PCED1A: variants seen among roughly 807,000 people sequenced by gnomAD.
PCED1A encodes the protein PC-esterase domain-containing protein 1A.
PCED1A carries 20 observed loss-of-function variants against 41.9 expected under a neutral mutation model. The ratio of observed to expected loss-of-function variants is 0.48; its 90% confidence interval spans 0.34 to 0.69. PCED1A has a LOEUF of 0.69. Among genes scored for constraint, PCED1A ranks in the 30% least tolerant of loss-of-function variants. The probability of loss-of-function intolerance (pLI) is 0.01; values close to 1 mark genes in which losing one functional copy is unlikely to be tolerated. For synonymous variants in PCED1A, 236 were observed against 241.3 expected (o/e 0.98, Z 0.20); for missense variants, 498 against 602.1 (o/e 0.83, Z 1.81).
chr20:2,839,940 G>A lies in PCED1A; in HGVS notation c.-21-7C>T. On this transcript the variant is annotated splice_polypyrimidine_tract_variant and splice_region_variant and intron_variant, in intron 1 of 7. Coordinates refer to ENST00000360652, the MANE Select transcript of PCED1A (RefSeq NM_022760.6). ...CGCCACCAGCAACGACAGGCTGCAG[G>A]GAGAGGCCACTAAGCAGCGCGATGG... The A allele has an allele frequency of 3.7e-6, 6 of 1,605,358 alleles. No homozygotes were observed. The highest frequency in any genetic ancestry group is 5.1e-6 in the Non-Finnish European group (6 of 1,177,466).
Position 2,839,017 on chromosome 20 carries a change from C to T in PCED1A, c.270G>A (p.Gly90=). ...AGGQLGELHN[G]TQYREVRQFC... ...ACTGGCGGACCTCACGATACTGTGT[C>T]CCGTTGTGCAGCTCGCCCAGCTGGC... is the stretch of plus-strand genomic sequence containing the variant. Residue 90 remains glycine, a synonymous_variant, in exon 4 of 8, where the codon GGG becomes GGA. Transcript: ENST00000360652. 4.3e-6 allele frequency: 7 copies of T among 1,613,896 alleles called. No individual in the cohort carries two copies. In the South Asian group the frequency reaches 5.5e-5, roughly 13 times the overall value.
Position 2,836,183 on chromosome 20 carries a change from G to A in PCED1A, c.973C>T (p.Pro325Ser). 1 of 1,581,722 alleles carries A rather than the reference G, an allele frequency of 6.3e-7. No homozygotes were observed. The change falls in exon 7 of 8, where the codon CCC becomes TCC. Residue 325 changes from proline to serine, a missense_variant. By Grantham distance (74) the Pro-to-Ser change is moderately conservative. Coordinates refer to ENST00000360652, the MANE Select transcript of PCED1A (RefSeq NM_022760.6). ...GGCGAGGGCTGAGGAAGCGGGTAGGGAAAAGGCATGGGAGGAGGCAAAGAA... is the reference window on the plus strand; with the variant it reads ...GGCGAGGGCTGAGGAAGCGGGTAGGAAAAAGGCATGGGAGGAGGCAAAGAA... ...PSSLPPPMPFPYPLPQPSPPP... is the reference protein window; with the variant it reads ...PSSLPPPMPFSYPLPQPSPPP...
In PCED1A at chr20:2,838,434, C is replaced by A; in HGVS notation, c.639G>T (p.Gly213=). The change falls in exon 6 of 8, where the codon GGG becomes GGT. Residue 213 remains glycine (G), a synonymous_variant. Coordinates refer to ENST00000360652, the MANE Select transcript of PCED1A (RefSeq NM_022760.6). This position sits in a 1 kb window ranked among gnomAD's most constrained non-coding sequence, Gnocchi z 5.8. ...CGGCCAGCGTAGCACTGTAGAAGTT[C>A]CCTTCAACCACATCCCGCCGCAGGG... The part of the protein sequence containing the change: ...AGSLRRDVVE[G]NFYSATLAGD... 1 of 1,614,220 alleles carries A rather than the reference C, an allele frequency of 6.2e-7. No homozygotes were observed. Among genetic ancestry groups the A allele is most frequent in the Non-Finnish European group, 8.5e-7 (1 of 1,180,042 alleles).
intron 6 of PCED1A, among the ~76,000 whole-genome samples, chr20:2,836,901 T>C (rs1427073630): frequency 6.6e-6 from 1 of 152,182 alleles, no homozygotes; most frequent in African/African-American, 2.4e-5. Flanking sequence ...AGCCCCTCTT[T>C]CCTGCCAATC....
intron 1 of PCED1A, 130 bp downstream of exon 1, chr20:2,840,081 C>T (rs2088928550): frequency 6.2e-6 from 5 of 804,322 alleles, no homozygotes; most frequent in Non-Finnish European, 9.1e-6. Context: ...ACACTTGGTA[C>T]CAGAGGCAGG....
In PCED1A at chr20:2,836,071, G is replaced by T; in HGVS notation, c.1085C>A (p.Pro362Gln). 1 of 1,512,832 alleles carries T rather than the reference G, an allele frequency of 6.6e-7. No homozygotes were observed. The highest frequency in any genetic ancestry group is 2.4e-5 in the East Asian group (1 of 41,392). 93.7% of individuals were successfully genotyped at this position (1,512,832 alleles called of 1,614,324 possible). Residue 362 changes from proline (P) to glutamine (Q), a missense_variant, in exon 7 of 8, where the codon CCA (proline) becomes CAA (glutamine). Pro to Gln is a moderately conservative substitution (Grantham distance 76). Transcript: ENST00000360652. ...FPPHEFFNYN[P>Q]VEDFSMPPHL... is the part of the protein sequence containing the mutation. ...GGGTGGCATCGAGAAGTCCTCCACTGGATTATAGTTGAAGAATTCATGGGG... is the reference window on the plus strand; with the variant it reads ...GGGTGGCATCGAGAAGTCCTCCACTTGATTATAGTTGAAGAATTCATGGGG...
chr20:2,837,907 C>T (rs770132854), intron 6 of PCED1A, among the ~76,000 whole-genome samples: 1 of 152,198 alleles, frequency 6.6e-6, no homozygotes, highest in Admixed American at 6.5e-5. Context: ...TTCCACTCCT[C>T]ACACCCATGC....
chr20:2,841,088 C>T, upstream of PCED1A: 1 of 533,854 alleles, frequency 1.9e-6, no homozygotes, highest in Non-Finnish European at 3.3e-6. Context: ...ATGCTCAGAT[C>T]TCGCTGAGGG....
Position 2,838,592 on chromosome 20 carries a change from T to C in PCED1A, c.594+4A>G. 3.7e-6 allele frequency: 6 copies of C among 1,614,190 alleles called. No individual in the cohort carries two copies. Among genetic ancestry groups the C allele is most frequent in the Non-Finnish European group, 2.5e-6 (3 of 1,180,022 alleles). On this transcript the variant is annotated splice_donor_region_variant and intron_variant, in intron 5 of 7. Coordinates refer to ENST00000360652, the MANE Select transcript of PCED1A (RefSeq NM_022760.6). This position sits in a 1 kb window ranked among gnomAD's most constrained non-coding sequence, Gnocchi z 5.8. ...TCTTGTCCTGATGGGCCTCAGTCAC[T>C]TGCCTCTGGCAGGAGGAAACCCCCA...
At chr20:2,841,107 C>CGCGGGTGACA, upstream of PCED1A, 1 of 501,358 alleles carries the variant, frequency 2.0e-6, no homozygotes, top group South Asian at 2.4e-5. Flanking sequence ...GGAGGCAGCT[C>CGCGGGTGACA]GCGGGTGACA....
rs375558975 is a variant in PCED1A, at chr20:2,839,140, G to C, written c.204+52C>G. On this transcript the variant is annotated intron_variant, in intron 3 of 7. Coordinates refer to ENST00000360652, the MANE Select transcript of PCED1A (RefSeq NM_022760.6). Reference sequence around the variant, plus strand: ...CATGCCAGGGAGGAGAACCCTGCCAGGCCAGGGTCTGTGCCCACCCACCAC... The same window carrying C: ...CATGCCAGGGAGGAGAACCCTGCCACGCCAGGGTCTGTGCCCACCCACCAC... 5.3e-6 allele frequency: 8 copies of C among 1,509,626 alleles called. No homozygotes were observed. In the African/African-American group the frequency reaches 1.3e-4, roughly 25 times the overall value. 93.5% of individuals were successfully genotyped at this position (1,509,626 alleles called of 1,614,324 possible). A position where few individuals can be genotyped will look rare whatever the true frequency, so the allele number is the denominator to read the frequency against.
chr20:2,840,733 G>GGTCTA (rs1304363982), upstream of PCED1A: 2 of 1,545,642 alleles, frequency 1.3e-6, no homozygotes. Flanking sequence ...CGCTCTAGGT[G>GGTCTA]GGTGTCCCCT....
rs748216401 is a variant in PCED1A, at chr20:2,835,588, G to T, written c.1239C>A (p.Asn413Lys). The stretch of plus-strand genomic sequence containing the variant: ...CCATTCTCCGCACATGGTAGGGGCT[G>T]TTAGGAACATAGCGTGGCATCCCCC... ...VHRGMPRYVP[N>K]SPYHVRRMGG... Residue 413 changes from asparagine to lysine, a missense_variant, in exon 8 of 8, where the codon AAC (asparagine) becomes AAA (lysine). Asn to Lys is a moderately conservative substitution (Grantham distance 94, BLOSUM62 0). This residue lies in a region of PCED1A where 245 missense variants were observed against 232.4 expected (regional missense o/e 1.05). Transcript: ENST00000360652. 2.5e-6 allele frequency: 4 copies of T among 1,614,052 alleles called. No homozygotes were observed. Among genetic ancestry groups the T allele is most frequent in the African/African-American group, 1.3e-5 (1 of 74,950 alleles).
rs1401971822 is a variant in PCED1A at position 2,840,480 on chromosome 20, C to T, written c.-291G>A. The T allele has an allele frequency of 4.0e-6, 2 of 494,402 alleles. No homozygotes were observed. The highest frequency in any genetic ancestry group is 7.2e-6 in the Non-Finnish European group (2 of 278,424). 30.6% of individuals were successfully genotyped at this position (494,402 alleles called of 1,614,324 possible). A position where few individuals can be genotyped will look rare whatever the true frequency, so the allele number is the denominator to read the frequency against. Reference sequence around the variant, plus strand: ...CGGGCTGCGACGCTCACAGCTTCCACTTCCGTTCACCCATGTCCCGCCCTG... The same window carrying T: ...CGGGCTGCGACGCTCACAGCTTCCATTTCCGTTCACCCATGTCCCGCCCTG... On this transcript the variant is annotated 5_prime_UTR_variant, in exon 1 of 8. The change creates a new upstream start codon in the 5' untranslated region. Transcript: ENST00000360652.
intron 1 of PCED1A, 96 bp from the exon 2 acceptor site, chr20:2,840,029 G>A: frequency 1.6e-6 from 2 of 1,284,870 alleles, no homozygotes; most frequent in South Asian, 1.5e-5. Context: ...GCTAAAGGGA[G>A]GAGGTGACGG....
rs371965645 is a variant in PCED1A at position 2,839,888 on chromosome 20, C to T, written c.25G>A (p.Glu9Lys). The change falls in exon 2 of 8, where the codon GAG (glutamate) becomes AAG (lysine). Residue 9 changes from glutamate (E) to lysine (K), a missense_variant. Physicochemically the swap from Glu to Lys is moderately conservative, Grantham distance 56. Around this residue, in one of 2 missense-constraint regions of PCED1A, gnomAD observed 253 missense variants for 369.7 expected, o/e 0.68. Coordinates refer to ENST00000360652, the MANE Select transcript of PCED1A (RefSeq NM_022760.6). MVFCLSSE[E>K]PRRPLRSDMV... ...TCGCTTCGCAGCGGGCGGCGCGGCT[C>T]CTCGCTCGACAGACAGAAGACCATG... 4.7e-5 allele frequency: 76 copies of T among 1,613,226 alleles called. No homozygotes were observed. Among genetic ancestry groups the T allele is most frequent in the Non-Finnish European group, 5.8e-5 (68 of 1,179,894 alleles).
chr20:2,835,511 T>C lies in PCED1A; in HGVS notation c.1316A>G (p.Tyr439Cys), dbSNP rs141762504. The stretch of plus-strand genomic sequence containing the variant: ...GGCAGGAGGCCGTCTGTCCAGTTTG[T>C]ATGTGTGGATCAGTCTCTCTGAGTG... ...LRHSERLIHT[Y>C]KLDRRPPAHS... The change falls in exon 8 of 8, where the codon TAC (tyrosine) becomes TGC (cysteine). Residue 439 changes from tyrosine to cysteine, a missense_variant. Coordinates refer to ENST00000360652, the MANE Select transcript of PCED1A (RefSeq NM_022760.6). The C allele has an allele frequency of 2.5e-6, 4 of 1,614,142 alleles. No homozygotes were observed. Among genetic ancestry groups the C allele is most frequent in the Middle Eastern group, 1.6e-4 (1 of 6,062 alleles).
intron 2 of PCED1A, among the ~76,000 whole-genome samples, 159 bp downstream of exon 2, chr20:2,839,630 C>T (rs1196046367): frequency 6.6e-6 from 1 of 152,172 alleles, no homozygotes; most frequent in Non-Finnish European, 1.5e-5. Context: ...CCTGTCAGGA[C>T]TCCTGTGGAA....
At position 2,835,613 on chromosome 20, in the gene PCED1A, C is replaced by G; in HGVS notation, c.1214G>C (p.Arg405Pro). The change falls in exon 8 of 8, where the codon CGG becomes CCG. Residue 405 changes from arginine to proline, a missense_variant. Coordinates refer to ENST00000360652, the MANE Select transcript of PCED1A (RefSeq NM_022760.6). ...HGQHWGPVVH[R>P]GMPRYVPNSP... is the part of the protein sequence containing the mutation. Reference sequence around the variant, plus strand: ...GTTAGGAACATAGCGTGGCATCCCCCGGTGGACCACTGGGCCCCAGTGCTG... The same window carrying G: ...GTTAGGAACATAGCGTGGCATCCCCGGGTGGACCACTGGGCCCCAGTGCTG... 1 of 1,613,346 alleles carries G rather than the reference C, an allele frequency of 6.2e-7. No homozygotes were observed. The highest frequency in any genetic ancestry group is 1.3e-5 in the African/African-American group (1 of 75,058).
Sources: gnomAD v4.1 joint callset for allele counts (sites outside exome capture counted in the v4.1 genomes callset) on GRCh38, gnomAD v4.1.1 for gene constraint, gnomAD v4.1.1 regional missense constraint, Gnocchi (gnomAD v3.1) non-coding constraint, MANE v1.5 for transcripts, NCBI Gene and HGNC (gene_info 2026-07-23, HGNC 2026-07-21) for gene names.